The following MUC5AC variants were observed in gnomAD, a reference collection of about 807,000 sequenced individuals.
MUC5AC encodes the protein mucin 5AC, oligomeric mucus/gel-forming, also known as mucin-5AC.
MUC5AC carries 158 observed loss-of-function variants against 169.7 expected under a neutral mutation model. The ratio of observed to expected loss-of-function variants is 0.93; its 90% confidence interval spans 0.82 to 1.06. MUC5AC has a LOEUF of 1.06. MUC5AC is among the 50% of genes least tolerant of loss of function. The probability of loss-of-function intolerance (pLI) is 0.00; values close to 1 mark genes in which losing one functional copy is unlikely to be tolerated. For missense variants in MUC5AC, 4,359 were observed against 3,089.9 expected, an observed-to-expected ratio of 1.41 and a Z score of -9.74; for synonymous variants, 1,975 against 1,237.0, an observed-to-expected ratio of 1.60 and a Z score of -12.52.
intron 9 of MUC5AC, among the ~76,000 whole-genome samples, chr11:1,164,867 C>T (rs112462024): frequency 7.3e-6 from 1 of 136,962 alleles, no homozygotes; most frequent in East Asian, 2.2e-4. Context: ...GTCCTGGGCC[C>T]CCTGAGGCTG....
chr11:1,181,217 G>A (rs1485077315), intron 29 of MUC5AC, 35 bp downstream of exon 29: 3 of 398,632 alleles, frequency 7.5e-6, no homozygotes, highest in Non-Finnish European at 1.3e-5. Flanking sequence ...CTGGGGTCCG[G>A]GGGTCTCTGT....
chr11:1,164,190 AG>A lies in MUC5AC; in HGVS notation c.876del (p.Arg292SerfsTer169), dbSNP rs1370090311. 6.2e-7 allele frequency: 1 copy of A among 1,612,466 alleles called. No individual in the cohort carries two copies. The highest frequency in any genetic ancestry group is 1.3e-5 in the African/African-American group (1 of 74,934). The stretch of plus-strand genomic sequence containing the variant: ...CGTCGGCAGCTACCTGGAGGCTTGC[AG>A]GCAAGACCTCTGCTTCTGTGAAGAC... Reference protein sequence around the residue: ...VDVGSYLEACRQDLCFCEDTD... With the variant: ...VDVGSYLEACXQDLCFCEDTD... On this transcript the variant is annotated frameshift_variant, in exon 8 of 49. Coordinates refer to ENST00000621226, the MANE Select transcript of MUC5AC (RefSeq NM_001304359.2). LOFTEE classifies it high-confidence loss of function.
intron 2 of MUC5AC, 61 bp downstream of exon 2, chr11:1,160,750 C>G: frequency 6.6e-7 from 1 of 1,517,616 alleles, no homozygotes. Context: ...CACCGTGTGG[C>G]ACGGCCCCTA....
In MUC5AC at chr11:1,175,260, C is replaced by A. The variant is rs1171615648; in HGVS notation, c.2391C>A (p.Ala797=). 1 of 398,706 alleles carries A rather than the reference C, an allele frequency of 2.5e-6. No individual in the cohort carries two copies. The highest frequency in any genetic ancestry group is 2.1e-5 in the African/African-American group (1 of 48,740). 24.7% of individuals were successfully genotyped at this position (398,706 alleles called of 1,614,324 possible). A position where few individuals can be genotyped will look rare whatever the true frequency, so the allele number is the denominator to read the frequency against. ...HGKLSCIGGQ[A]PAPVCAAPMV... is the part of the protein sequence containing the mutation. ...AGCTGAGCTGCATCGGAGGCCAAGC[C>A]CCCGCCCCAGGTGAGTGCCAGAAAG... is the stretch of plus-strand genomic sequence containing the variant. The change falls in exon 19 of 49, where the codon GCC becomes GCA. Residue 797 remains alanine (A), a synonymous_variant. Coordinates refer to ENST00000621226, the MANE Select transcript of MUC5AC (RefSeq NM_001304359.2).
chr11:1,190,942 C>T lies in MUC5AC; in HGVS notation c.12797C>T (p.Thr4266Ile). ...AGCCCTGTTCCCAGCACCAGTACAA[C>T]CTCTGCTGCTACAACCAGCACAACC... Reference protein sequence around the residue: ...TPSPVPSTSTTSAATTSTTSA... With the variant: ...TPSPVPSTSTISAATTSTTSA... Residue 4266 changes from threonine to isoleucine, a missense_variant, in exon 31 of 49, where the codon ACC becomes ATC. By Grantham distance (89) the Thr-to-Ile change is moderately conservative (BLOSUM62 -1). Coordinates refer to ENST00000621226, the MANE Select transcript of MUC5AC (RefSeq NM_001304359.2). 1 of 738,560 alleles carries T rather than the reference C, an allele frequency of 1.4e-6. No homozygotes were observed. Among genetic ancestry groups the T allele is most frequent in the Non-Finnish European group, 2.5e-6 (1 of 405,796 alleles). The allele number at this position is 738,560 out of a possible 1,614,324, so 45.8% of individuals were successfully genotyped here.
chr11:1,163,877 C>A lies in MUC5AC; in HGVS notation c.680-5C>A. 4.4e-6 allele frequency: 7 copies of A among 1,599,242 alleles called. No individual in the cohort carries two copies. Among genetic ancestry groups the A allele is most frequent in the East Asian group, 2.3e-5 (1 of 44,030 alleles). On this transcript the variant is annotated splice_polypyrimidine_tract_variant and splice_region_variant and intron_variant, in intron 6 of 48. Coordinates refer to ENST00000621226, the MANE Select transcript of MUC5AC (RefSeq NM_001304359.2). Reference sequence around the variant, plus strand: ...AGGCAGAGCCCGCCTCTGTGCTTGCCGCAGACACCAAGCTGACACCCATGG... The same window carrying A: ...AGGCAGAGCCCGCCTCTGTGCTTGCAGCAGACACCAAGCTGACACCCATGG...
chr11:1,164,111 C>T lies in MUC5AC; in HGVS notation c.795C>T (p.Ile265=), dbSNP rs1463446746. The T allele has an allele frequency of 7.4e-6, 12 of 1,611,994 alleles. No homozygotes were observed. The highest frequency in any genetic ancestry group is 9.3e-6 in the Non-Finnish European group (11 of 1,179,844). Residue 265 remains isoleucine (I), a synonymous_variant, in exon 8 of 49, where the codon ATC becomes ATT. Coordinates refer to ENST00000621226, the MANE Select transcript of MUC5AC (RefSeq NM_001304359.2). ...PPRNCSTGFG[I]CEELLHGQLF... is the part of the protein sequence containing the mutation. ...GGCTGTGGCCTTTGTCCTAGGGCAT[C>T]TGTGAGGAGCTCCTGCACGGCCAGC...
Position 1,181,108 on chromosome 11 carries a change from G to A in MUC5AC, c.3777-31G>A, listed in dbSNP as rs950021101. 14 of 398,394 alleles carry A rather than the reference G, an allele frequency of 3.5e-5. 1 individual carries two copies. Among genetic ancestry groups the A allele is most frequent in the South Asian group, 2.5e-4 (2 of 7,866 alleles). 24.7% of individuals were successfully genotyped at this position (398,394 alleles called of 1,614,324 possible). A position where few individuals can be genotyped will look rare whatever the true frequency, so the allele number is the denominator to read the frequency against. ...GTGGAAGGCACACGGCCGCCCCCAC[G>A]CATCGGCCTGCCCTTCTTCCTTGTC... On this transcript the variant is annotated intron_variant, in intron 28 of 48. Coordinates refer to ENST00000621226, the MANE Select transcript of MUC5AC (RefSeq NM_001304359.2).
At chr11:1,162,311 G>A (rs945758524) in intron 4 of MUC5AC, 143 bp downstream of exon 4, 21 of 1,345,854 alleles carry the variant, frequency 1.6e-5, no homozygotes, top group African/African-American at 8.8e-5. Flanking sequence ...GCCCTCCCTC[G>A]TCCCCCGAGT....
chr11:1,192,672 A>C (rs79604368), intron 31 of MUC5AC, 111 bp from the exon 32 acceptor site: 1 of 684,718 alleles, frequency 1.5e-6, no homozygotes, highest in African/African-American at 1.8e-5. Context: ...ATTCTCTGAA[A>C]TTTTTTCCCA....
chr11:1,168,597 C>T, intron 13 of MUC5AC, 45 bp downstream of exon 13: 1 of 1,612,376 alleles, frequency 6.2e-7, no homozygotes. Context: ...GCCTGGGGTC[C>T]CGCCCCACAG....
chr11:1,175,903 A>G (rs1384886731), intron 19 of MUC5AC, among the ~76,000 whole-genome samples: 5 of 136,658 alleles, frequency 3.7e-5, no homozygotes, highest in Non-Finnish European at 7.7e-5. Flanking sequence ...ACACCCACAC[A>G]TGCACACACA....
At chr11:1,200,006 G>A (rs1489066096) in intron 48 of MUC5AC, 37 bp downstream of exon 48, 1 of 715,352 alleles carries the variant, frequency 1.4e-6, no homozygotes, top group South Asian at 1.5e-5. Context: ...GACGCGATTG[G>A]CTGTGGGGTG....
In MUC5AC at chr11:1,187,806, G is replaced by A. The variant is rs1860990878; in HGVS notation, c.9661G>A (p.Asp3221Asn). 1.3e-6 allele frequency: 1 copy of A among 765,070 alleles called. No individual in the cohort carries two copies. The highest frequency in any genetic ancestry group is 1.7e-5 in the African/African-American group (1 of 59,260). The allele number at this position is 765,070 out of a possible 1,614,324, so 47.4% of individuals were successfully genotyped here. ...KTTHSQPVTRDCHLRCTWTKW... is the reference protein window; with the variant it reads ...KTTHSQPVTRNCHLRCTWTKW... ...AACCCACTCCCAACCAGTCACCAGA[G>A]ACTGTCATCTCCGGTGCACCTGGAC... Residue 3221 changes from aspartate to asparagine, a missense_variant, in exon 31 of 49, where the codon GAC becomes AAC. Transcript: ENST00000621226.
In MUC5AC at chr11:1,198,007, G is replaced by A. The variant is rs1261333604; in HGVS notation, c.16135+3G>A. 4.3e-6 allele frequency: 3 copies of A among 689,934 alleles called. No individual in the cohort carries two copies. The highest frequency in any genetic ancestry group is 7.9e-6 in the Non-Finnish European group (3 of 379,338). 42.7% of individuals were successfully genotyped at this position (689,934 alleles called of 1,614,324 possible). A position where few individuals can be genotyped will look rare whatever the true frequency, so the allele number is the denominator to read the frequency against. On this transcript the variant is annotated splice_donor_region_variant and intron_variant, in intron 42 of 48. Coordinates refer to ENST00000621226, the MANE Select transcript of MUC5AC (RefSeq NM_001304359.2). ...CTGCTGCCCAGTCCAAAACTGCAGT[G>A]AGTGGCCTGGACCAGGCCCTGTCAG...
chr11:1,196,680 C>G lies in MUC5AC; in HGVS notation c.15789C>G (p.Phe5263Leu), dbSNP rs1253768003. 6.6e-6 allele frequency: 5 copies of G among 762,002 alleles called. No homozygotes were observed. Among genetic ancestry groups the G allele is most frequent in the Non-Finnish European group, 1.2e-5 (5 of 416,704 alleles). 47.2% of individuals were successfully genotyped at this position (762,002 alleles called of 1,614,324 possible). ...TCTGTCCGGAGGGCATGACCCTCTTCAGCACCAGTGCCCAAGTCTGCGTGC... is the reference window on the plus strand; with the variant it reads ...TCTGTCCGGAGGGCATGACCCTCTTGAGCACCAGTGCCCAAGTCTGCGTGC... ...GCFCPEGMTL[F>L]STSAQVCVPT... Residue 5263 changes from phenylalanine to leucine, a missense_variant, in exon 39 of 49, where the codon TTC (phenylalanine) becomes TTG (leucine). Transcript: ENST00000621226.
rs534713159 is a variant in MUC5AC at position 1,168,594 on chromosome 11, G to A, written c.1567+42G>A. The A allele has an allele frequency of 2.5e-5, 41 of 1,612,416 alleles. No homozygotes were observed. The Admixed American group carries it at 4.2e-4, about 16-fold the overall frequency. ...CTTCCCCACCCCGGGGCTGCCTGGG[G>A]TCCCGCCCCACAGCCCCCAGCAAAA... On this transcript the variant is annotated intron_variant, in intron 13 of 48. Coordinates refer to ENST00000621226, the MANE Select transcript of MUC5AC (RefSeq NM_001304359.2).
At position 1,188,761 on chromosome 11, in the gene MUC5AC, C is replaced by G. The variant is rs1306887630; in HGVS notation, c.10616C>G (p.Pro3539Arg). The change falls in exon 31 of 49, where the codon CCC (proline) becomes CGC (arginine). Residue 3539 changes from proline to arginine, a missense_variant. Coordinates refer to ENST00000621226, the MANE Select transcript of MUC5AC (RefSeq NM_001304359.2). The part of the protein sequence containing the change: ...WFDVDFPSPG[P>R]HGGDKETYNN... ...GATGTGGACTTTCCATCCCCTGGAC[C>G]CCACGGTGGGGACAAGGAAACCTAC... 259 of 757,938 alleles carry G rather than the reference C, an allele frequency of 3.4e-4. 1 individual carries two copies. In the African/African-American group the frequency reaches 4.1e-3, roughly 12 times the overall value. 47.0% of individuals were successfully genotyped at this position (757,938 alleles called of 1,614,324 possible). A position where few individuals can be genotyped will look rare whatever the true frequency, so the allele number is the denominator to read the frequency against.
chr11:1,183,988 C>T lies in MUC5AC; in HGVS notation c.5843C>T (p.Ser1948Phe), dbSNP rs1430298420. Residue 1948 changes from serine to phenylalanine, a missense_variant, in exon 31 of 49, where the codon TCC becomes TTC. Coordinates refer to ENST00000621226, the MANE Select transcript of MUC5AC (RefSeq NM_001304359.2). ...SKPTPTEPST[S>F]SCLQELCTWT... ...CCCACCCCCACGGAGCCCAGCACAT[C>T]CTCCTGCCTGCAGGAGCTTTGCACC... 2 of 394,946 alleles carry T rather than the reference C, an allele frequency of 5.1e-6. No homozygotes were observed. Among genetic ancestry groups the T allele is most frequent in the Non-Finnish European group, 8.8e-6 (2 of 227,582 alleles). 24.5% of individuals were successfully genotyped at this position (394,946 alleles called of 1,614,324 possible). A position where few individuals can be genotyped will look rare whatever the true frequency, so the allele number is the denominator to read the frequency against.
Sources: gnomAD v4.1 joint callset for allele counts (sites outside exome capture counted in the v4.1 genomes callset) on GRCh38, gnomAD v4.1.1 for gene constraint, MANE v1.5 for transcripts, NCBI Gene and HGNC (gene_info 2026-07-23, HGNC 2026-07-21) for gene names.